Variants in CACNA1C observed in about 807,000 individuals in gnomAD.
CACNA1C encodes voltage-dependent L-type calcium channel subunit alpha-1C.
CACNA1C carries 30 observed loss-of-function variants against 229.0 expected under a neutral mutation model. The observed-to-expected ratio is 0.13, with a 90% CI of 0.10 to 0.18. The LOEUF (loss-of-function observed/expected upper bound fraction) is 0.18. Among genes scored for constraint, CACNA1C ranks in the 10% least tolerant of loss-of-function variants. The pLI is 1.00. For synonymous variants in CACNA1C, 1,114 were observed against 1,132.5 expected, an observed-to-expected ratio of 0.98 and a Z score of 0.33; for missense variants, 1,658 against 2,845.0, an observed-to-expected ratio of 0.58 and a Z score of 9.49.
At chr12:2,162,364 T>G (rs2095915728) in intron 3 of CACNA1C, among the ~76,000 whole-genome samples, 1 of 151,860 alleles carries the variant, frequency 6.6e-6, no homozygotes, top group Non-Finnish European at 1.5e-5. Flanking sequence ...ATTTTGTGTC[T>G]AGGGAAACAA....
chr12:2,565,705 G>GGT (rs1293247676), intron 11 of CACNA1C, among the ~76,000 whole-genome samples: 9 of 152,166 alleles, frequency 5.9e-5, no homozygotes, highest in Non-Finnish European at 1.0e-4. Context: ...CTCAAGTAAA[G>GGT]GTGTGTGTGT....
At chr12:2,522,993 T>C (rs1335016512) in intron 9 of CACNA1C, among the ~76,000 whole-genome samples, 3 of 152,106 alleles carry the variant, frequency 2.0e-5, no homozygotes, top group Non-Finnish European at 4.4e-5. Context: ...CGAATGCCCT[T>C]CTCTTCCAAC....
chr12:2,254,246 TGG>T (rs979711708), intron 3 of CACNA1C, among the ~76,000 whole-genome samples: 1 of 151,506 alleles, frequency 6.6e-6, no homozygotes, highest in African/African-American at 2.4e-5. Context: ...TCTCAGGGAG[TGG>T]GGTGGAGAGT....
chr12:2,571,336 T>G (rs1033537818), intron 13 of CACNA1C, among the ~76,000 whole-genome samples: 4 of 152,182 alleles, frequency 2.6e-5, no homozygotes, highest in African/African-American at 9.7e-5. Flanking sequence ...TAAAAGATCT[T>G]TATGCCCTGG....
chr12:2,651,822 C>T lies in CACNA1C; in HGVS notation c.4074+54C>T. ...GGGAATCGCAGGGCTGCCGCGTGGC[C>T]CAGAACACAGCTGACACAAGGAGGA... On this transcript the variant is annotated intron_variant, in intron 32 of 46. Coordinates refer to ENST00000399655, the MANE Select transcript of CACNA1C (RefSeq NM_000719.7). The surrounding 1 kb of genome is among the most constrained non-coding windows in gnomAD (Gnocchi z 5.4). 7.0e-7 allele frequency: 1 copy of T among 1,435,886 alleles called. No individual in the cohort carries two copies. The highest frequency in any genetic ancestry group is 9.5e-7 in the Non-Finnish European group (1 of 1,050,636). 88.9% of individuals were successfully genotyped at this position (1,435,886 alleles called of 1,614,324 possible).
At chr12:2,535,773 A>G (rs567148973) in intron 9 of CACNA1C, among the ~76,000 whole-genome samples, 1 of 151,840 alleles carries the variant, frequency 6.6e-6, no homozygotes, top group Non-Finnish European at 1.5e-5. Flanking sequence ...CAGATGGACC[A>G]AAGACTCTGT....
rs2074741862 is a variant in CACNA1C, at chr12:2,605,248, G to A, written c.3048+80G>A. ...CTCCACAGAGGTGAGGGGTGGGTTGGAAGGAGATGATGGTCAGACCAAGTG... is the reference window on the plus strand; with the variant it reads ...CTCCACAGAGGTGAGGGGTGGGTTGAAAGGAGATGATGGTCAGACCAAGTG... On this transcript the variant is annotated intron_variant, in intron 23 of 46. Transcript: ENST00000399655. The surrounding 1 kb of genome is among the most constrained non-coding windows in gnomAD (Gnocchi z 6.2). The A allele has an allele frequency of 2.0e-6, 2 of 988,554 alleles. No individual in the cohort carries two copies. Among genetic ancestry groups the A allele is most frequent in the South Asian group, 2.7e-5 (2 of 74,048 alleles). The allele number at this position is 988,554 out of a possible 1,614,324, so 61.2% of individuals were successfully genotyped here. A position where few individuals can be genotyped will look rare whatever the true frequency, so the allele number is the denominator to read the frequency against.
intron 3 of CACNA1C, chr12:2,269,775 C>G (rs548328695): frequency 1.3e-5 from 2 of 152,188 alleles, no homozygotes; most frequent in East Asian, 3.9e-4. Context: ...TATTGAGGCA[C>G]CCAGGGCTAA....
In CACNA1C at chr12:2,254,196, C is replaced by T. The variant is rs544338736; in HGVS notation, c.477+133766C>T. Among the ~76,000 whole-genome samples the T allele has an allele frequency of 6.6e-4, 100 of 152,296 alleles. 1 individual carries two copies. Among genetic ancestry groups the T allele is most frequent in the African/African-American group, 2.4e-3 (99 of 41,566 alleles). On this transcript the variant is annotated intron_variant, in intron 3 of 46. Transcript: ENST00000399655. ...TGTGTGTGCCCAGCACTGTGCTCAC[C>T]ACTCGAGAGCCCCTAGGCAGGCACC...
At position 2,651,416 on chromosome 12, in the gene CACNA1C, C is replaced by G. The variant is rs1370646350; in HGVS notation, c.3946-224C>G. 1.7e-6 allele frequency: 1 copy of G among 593,936 alleles called. No homozygotes were observed. Among genetic ancestry groups the G allele is most frequent in the African/African-American group, 1.9e-5 (1 of 53,764 alleles). The allele number at this position is 593,936 out of a possible 1,614,324, so 36.8% of individuals were successfully genotyped here. On this transcript the variant is annotated intron_variant, in intron 31 of 46. Coordinates refer to ENST00000399655, the MANE Select transcript of CACNA1C (RefSeq NM_000719.7). This position sits in a 1 kb window ranked among gnomAD's most constrained non-coding sequence, Gnocchi z 5.4. Reference sequence around the variant, plus strand: ...GGAGAATAAAAACACAGGACCACAGCCCAGCGGCCTGGGCACAGTCTAGCT... The same window carrying G: ...GGAGAATAAAAACACAGGACCACAGGCCAGCGGCCTGGGCACAGTCTAGCT...
chr12:2,211,904 A>T (rs1474640546), intron 3 of CACNA1C, among the ~76,000 whole-genome samples: 1 of 151,808 alleles, frequency 6.6e-6, no homozygotes, highest in Non-Finnish European at 1.5e-5. Context: ...TATTTTTAGT[A>T]GAGATGGGGT....
chr12:2,369,557 A>T (rs764963759), intron 3 of CACNA1C, among the ~76,000 whole-genome samples: 2 of 152,076 alleles, frequency 1.3e-5, no homozygotes, highest in East Asian at 3.9e-4. Flanking sequence ...TGCCACTGCA[A>T]CCAGCTAATT....
chr12:2,510,003 G>A (rs149519710), intron 8 of CACNA1C, among the ~76,000 whole-genome samples: 1 of 152,284 alleles, frequency 6.6e-6, no homozygotes, highest in Non-Finnish European at 1.5e-5. Context: ...CACACCTCAG[G>A]CTATTGGTTG....
intron 29 of CACNA1C, chr12:2,613,170 GAATA>G (rs1312792158): frequency 6.6e-6 from 1 of 152,202 alleles, no homozygotes; most frequent in East Asian, 1.9e-4. Context: ...TTCTTTGAAT[GAATA>G]TTCACTCACA....
In CACNA1C at chr12:2,034,252, A is replaced by C. The variant is rs2048717733; in HGVS notation, c.139+63051A>C. ...TGTGGGAAAGTTAAGATTTTGCCAC[A>C]TCCAAGTCCTTTTAGATCCAAGGCC... is the stretch of plus-strand genomic sequence containing the variant. On this transcript the variant is annotated intron_variant, in intron 1 of 46. Transcript: ENST00000682462. This position sits in a 1 kb window ranked among gnomAD's most constrained non-coding sequence, Gnocchi z 4.1. 6.6e-6 allele frequency among the ~76,000 whole-genome samples: 1 copy of C among 152,238 alleles called. No homozygotes were observed. Among genetic ancestry groups the C allele is most frequent in the Non-Finnish European group, 1.5e-5 (1 of 68,042 alleles).
At chr12:2,423,840 G>A (rs2099002421) in intron 3 of CACNA1C, among the ~76,000 whole-genome samples, 1 of 152,178 alleles carries the variant, frequency 6.6e-6, no homozygotes, top group South Asian at 2.1e-4. Context: ...CCCTGAGAGA[G>A]TATTGGCTGG....
rs554587401 is a variant in CACNA1C, at chr12:2,354,244, C to G, written c.478-94732C>G. The stretch of plus-strand genomic sequence containing the variant: ...TGCCCGAGTCCCTCTGTCCTCGCAC[C>G]CTCACCTGGCTCTCTTGCCTAAGCC... On this transcript the variant is annotated intron_variant, in intron 3 of 46. Coordinates refer to ENST00000399655, the MANE Select transcript of CACNA1C (RefSeq NM_000719.7). The surrounding 1 kb of genome is among the most constrained non-coding windows in gnomAD (Gnocchi z 4.6). 6.6e-6 allele frequency among the ~76,000 whole-genome samples: 1 copy of G among 152,328 alleles called. No individual in the cohort carries two copies. The highest frequency in any genetic ancestry group is 1.9e-4 in the East Asian group (1 of 5,170).
At position 2,593,351 on chromosome 12, in the gene CACNA1C, C is replaced by T; in HGVS notation, c.2663+6C>T. On this transcript the variant is annotated splice_donor_region_variant and intron_variant, in intron 19 of 46. Coordinates refer to ENST00000399655, the MANE Select transcript of CACNA1C (RefSeq NM_000719.7). ...ATCTTCAGCTCTAACAACAGGTGTGCAGCAATGGTGGGGAAGGTGGGGTCC... is the reference window on the plus strand; with the variant it reads ...ATCTTCAGCTCTAACAACAGGTGTGTAGCAATGGTGGGGAAGGTGGGGTCC... 1 of 1,613,430 alleles carries T rather than the reference C, an allele frequency of 6.2e-7. No homozygotes were observed.
chr12:2,479,047 T>G lies in CACNA1C; in HGVS notation c.758-7057T>G, dbSNP rs1177660441. 6.6e-6 allele frequency among the ~76,000 whole-genome samples: 1 copy of G among 152,070 alleles called. No homozygotes were observed. The highest frequency in any genetic ancestry group is 2.4e-5 in the African/African-American group (1 of 41,406). ...TGAGGATGGAAAACTTCATTCTAGA[T>G]TCCCCTGTGGGAGAAGCTGGTGTTT... On this transcript the variant is annotated intron_variant, in intron 5 of 46. Coordinates refer to ENST00000399655, the MANE Select transcript of CACNA1C (RefSeq NM_000719.7). The surrounding 1 kb of genome is among the most constrained non-coding windows in gnomAD (Gnocchi z 4.3).
Sources: allele counts gnomAD v4.1 joint callset (sites outside exome capture counted in the v4.1 genomes callset), GRCh38; gene constraint gnomAD v4.1.1; non-coding constraint Gnocchi (gnomAD v3.1); transcripts MANE v1.5; gene names NCBI Gene and HGNC (gene_info 2026-07-23, HGNC 2026-07-21).